Variants in ANKMY1 observed in about 807,000 individuals in gnomAD.
The protein encoded by ANKMY1 is ankyrin repeat and MYND domain-containing protein 1.
ANKMY1 carries 98 observed loss-of-function variants against 102.0 expected under a neutral mutation model. That is an observed-to-expected ratio of 0.96 (90% CI 0.82 to 1.14). ANKMY1 has a LOEUF of 1.14. Ranked by LOEUF, ANKMY1 falls within the 50% of genes most tolerant of loss-of-function variation. ANKMY1 has a pLI of 0.00. For synonymous variants in ANKMY1, 582 were observed against 559.9 expected, an observed-to-expected ratio of 1.04 and a Z score of -0.56; for missense variants, 1,330 against 1,347.6, an observed-to-expected ratio of 0.99 and a Z score of 0.20.
chr2:240,512,196 A>G (rs2080336673), intron 10 of ANKMY1, among the ~76,000 whole-genome samples, 195 bp from the exon 11 acceptor site: 1 of 152,208 alleles, frequency 6.6e-6, no homozygotes, highest in African/African-American at 2.4e-5. Context: ...CAACATCCAC[A>G]GAGGTCAGAG....
chr2:240,559,676 A>G (rs148987731), upstream of ANKMY1, among the ~76,000 whole-genome samples: 87 of 152,370 alleles, frequency 5.7e-4, no homozygotes, highest in Non-Finnish European at 1.1e-3. Context: ...ACAGATGCTG[A>G]TAAGACCTCC....
At chr2:240,537,830 C>T (rs1200095146) in intron 4 of ANKMY1, among the ~76,000 whole-genome samples, 1 of 152,234 alleles carries the variant, frequency 6.6e-6, no homozygotes, top group Non-Finnish European at 1.5e-5. Context: ...CTGCGCCAAT[C>T]GCTGAGTTTT....
At chr2:240,538,087 A>G (rs558023110) in intron 4 of ANKMY1, among the ~76,000 whole-genome samples, 99 of 152,296 alleles carry the variant, frequency 6.5e-4, no homozygotes, top group African/African-American at 2.3e-3. Context: ...ATTTGGCTTA[A>G]GTTTTTCTTT....
rs375134650 is a variant in ANKMY1 at position 240,497,388 on chromosome 2, A to G, written c.2806+2570T>C. 9.8e-5 allele frequency among the ~76,000 whole-genome samples: 15 copies of G among 152,344 alleles called. No individual in the cohort carries two copies. The East Asian group carries it at 2.9e-3, about 29-fold the overall frequency. Reference sequence around the variant, plus strand: ...ATTATTGACATCCATGCCCTCTTCTACTGTGTTCTTGGCTGTACTGGTCTG... The same window carrying G: ...ATTATTGACATCCATGCCCTCTTCTGCTGTGTTCTTGGCTGTACTGGTCTG... On this transcript the variant is annotated intron_variant, in intron 15 of 17. Transcript: ENST00000401804.
chr2:240,500,400 C>A (rs1335177598), intron 14 of ANKMY1, 52 bp downstream of exon 14: 1 of 1,550,290 alleles, frequency 6.5e-7, no homozygotes, highest in Non-Finnish European at 8.8e-7. Context: ...GCCGGGGGCC[C>A]TGCACGTGAC....
intron 14 of ANKMY1, 74 bp from the exon 15 acceptor site, chr2:240,500,197 A>T: frequency 6.8e-7 from 1 of 1,463,750 alleles, no homozygotes; most frequent in Non-Finnish European, 9.1e-7. Flanking sequence ...TCGGTGATCG[A>T]GGGCTCCTGT....
intron 4 of ANKMY1, among the ~76,000 whole-genome samples, chr2:240,544,963 G>C (rs1272522563): frequency 6.6e-6 from 1 of 152,232 alleles, no homozygotes; most frequent in Non-Finnish European, 1.5e-5. Context: ...GGCTTGCTTA[G>C]GTAAACAAAG....
At chr2:240,487,898 T>G (rs2076237176) in intron 15 of ANKMY1, among the ~76,000 whole-genome samples, 2 of 152,234 alleles carry the variant, frequency 1.3e-5, no homozygotes, top group African/African-American at 4.8e-5. Context: ...GGTAAATAGT[T>G]TGCAAATGTT....
upstream of ANKMY1, chr2:240,560,883 C>T (rs1164170157): frequency 6.6e-7 from 1 of 1,505,350 alleles, no homozygotes; most frequent in Middle Eastern, 2.3e-4. Context: ...GGCAGAGCTG[C>T]GCGTGCCCGT....
intron 5 of ANKMY1, chr2:240,526,776 C>T (rs1218043938): frequency 1.6e-6 from 2 of 1,255,156 alleles, no homozygotes; most frequent in Non-Finnish European, 2.0e-6. Context: ...AGCAAAGGCC[C>T]TGGGTAGGAT....
chr2:240,515,277 C>T (rs574275634), intron 9 of ANKMY1, among the ~76,000 whole-genome samples: 25 of 152,330 alleles, frequency 1.6e-4, no homozygotes, highest in African/African-American at 5.3e-4. Context: ...TATCTCACAC[C>T]TGTAATCCCA....
chr2:240,511,606 C>T (rs1165805840), intron 11 of ANKMY1, among the ~76,000 whole-genome samples: 2 of 152,256 alleles, frequency 1.3e-5, no homozygotes, highest in East Asian at 1.9e-4. Flanking sequence ...CTCCCAAACA[C>T]GTCTGACCAG....
At chr2:240,501,820 CT>C (rs2078233714) in intron 13 of ANKMY1, among the ~76,000 whole-genome samples, 1 of 152,216 alleles carries the variant, frequency 6.6e-6, no homozygotes, top group Non-Finnish European at 1.5e-5. Flanking sequence ...ATACAGATTC[CT>C]CAAGGCCAAG....
At chr2:240,483,566 G>GT (rs1214935015) in intron 15 of ANKMY1, among the ~76,000 whole-genome samples, 2 of 152,184 alleles carry the variant, frequency 1.3e-5, no homozygotes, top group East Asian at 3.8e-4. Context: ...CACATTTAAT[G>GT]TTATTAATGA....
intron 4 of ANKMY1, among the ~76,000 whole-genome samples, chr2:240,539,508 C>A (rs898782755): frequency 1.3e-5 from 2 of 152,190 alleles, no homozygotes; most frequent in Non-Finnish European, 2.9e-5. Context: ...ACACTCACCA[C>A]GAGGAGTCCG....
At chr2:240,555,381 C>T (rs368536541) in intron 2 of ANKMY1, 37 of 325,482 alleles carry the variant, frequency 1.1e-4, no homozygotes, top group African/African-American at 7.0e-4. Context: ...CTCTGTCCCA[C>T]TCCAGCTGCC....
intron 4 of ANKMY1, among the ~76,000 whole-genome samples, chr2:240,547,856 T>C (rs1196366646): frequency 6.6e-6 from 1 of 150,936 alleles, no homozygotes; most frequent in African/African-American, 2.4e-5. Context: ...GGAGCTGAAA[T>C]TGTGGCAATA....
intron 4 of ANKMY1, among the ~76,000 whole-genome samples, chr2:240,541,299 G>T (rs2088712198): frequency 6.6e-6 from 1 of 152,192 alleles, no homozygotes; most frequent in Non-Finnish European, 1.5e-5. Context: ...AACTGTTTCA[G>T]TTGGGACACT....
Position 240,529,647 on chromosome 2 carries a change from G to A in ANKMY1, c.481-138C>T, listed in dbSNP as rs1201645290. The stretch of plus-strand genomic sequence containing the variant: ...ATGCATTCAGCCAGTAAACATCTCT[G>A]GAGGCTTAGGCTGTGCCGCCCAGGG... On this transcript the variant is annotated intron_variant, in intron 4 of 17. Transcript: ENST00000401804. This position sits in a 1 kb window ranked among gnomAD's most constrained non-coding sequence, Gnocchi z 4.2. The A allele has an allele frequency of 1.1e-6, 1 of 877,876 alleles. No homozygotes were observed. The highest frequency in any genetic ancestry group is 2.6e-5 in the East Asian group (1 of 37,762). The allele number at this position is 877,876 out of a possible 1,614,324, so 54.4% of individuals were successfully genotyped here. A position where few individuals can be genotyped will look rare whatever the true frequency, so the allele number is the denominator to read the frequency against.
Sources: allele counts gnomAD v4.1 joint callset (sites outside exome capture counted in the v4.1 genomes callset), GRCh38; gene constraint gnomAD v4.1.1; non-coding constraint Gnocchi (gnomAD v3.1); transcripts MANE v1.5; gene names NCBI Gene and HGNC (gene_info 2026-07-23, HGNC 2026-07-21).